FUT8: variants seen among roughly 807,000 people sequenced by gnomAD.
FUT8 encodes fucosyltransferase 8, also known as alpha-(1,6)-fucosyltransferase.
In FUT8, 29 loss-of-function variants were observed where a neutral mutation model predicts 71.3. That is an observed-to-expected ratio of 0.41 (90% CI 0.30 to 0.55). FUT8 has a LOEUF of 0.55. Among genes scored for constraint, FUT8 ranks in the 20% least tolerant of loss-of-function variants. The pLI is 0.34. For missense variants in FUT8, 544 were observed against 702.1 expected (o/e 0.77, Z 2.55); for synonymous variants, 254 against 239.3 (o/e 1.06, Z -0.57).
chr14:65,383,262 T>C, the FUT8 span, among the ~76,000 whole-genome samples: 1 of 132,416 alleles, frequency 7.6e-6, no homozygotes, highest in African/African-American at 2.9e-5. Context: ...TTCTTTTTCT[T>C]TTCTTTTTTT....
chr14:65,620,762 G>A (rs927432767), intron 5 of FUT8, among the ~76,000 whole-genome samples: 1 of 152,194 alleles, frequency 6.6e-6, no homozygotes, highest in African/African-American at 2.4e-5. Context: ...ATATTAAGCT[G>A]GGATGTGGAT....
intron 9 of FUT8, among the ~76,000 whole-genome samples, chr14:65,727,333 C>T (rs1168259187): frequency 6.6e-6 from 1 of 152,234 alleles, no homozygotes; most frequent in Non-Finnish European, 1.5e-5. Context: ...CAGCAAACTT[C>T]TGCCTGGGCA....
chr14:65,677,163 T>TGTGTGC (rs1555383302), intron 7 of FUT8, among the ~76,000 whole-genome samples: 2 of 113,250 alleles, frequency 1.8e-5, no homozygotes, highest in Admixed American at 8.6e-5. Context: ...CGCGCGCGCA[T>TGTGTGC]GCGCGCGCAC....
chr14:65,571,261 T>C (rs1272804681), intron 3 of FUT8, among the ~76,000 whole-genome samples: 1 of 152,164 alleles, frequency 6.6e-6, no homozygotes, highest in Admixed American at 6.6e-5. Flanking sequence ...TTGAACTTGA[T>C]GTGCTTGCTG....
chr14:65,414,019 G>C (rs1326909934), intron 1 of FUT8, among the ~76,000 whole-genome samples: 2 of 152,136 alleles, frequency 1.3e-5, no homozygotes, highest in Non-Finnish European at 2.9e-5. Context: ...ATAATATATA[G>C]ATTGAGGCCT....
At chr14:65,659,006 G>GT (rs1305068731) in intron 6 of FUT8, among the ~76,000 whole-genome samples, 3 of 152,038 alleles carry the variant, frequency 2.0e-5, no homozygotes, top group African/African-American at 7.2e-5. Flanking sequence ...AAGGTACGCT[G>GT]TAAGTATAGT....
chr14:65,668,677 G>T (rs1300853771), intron 6 of FUT8, among the ~76,000 whole-genome samples: 3 of 151,978 alleles, frequency 2.0e-5, no homozygotes, highest in Admixed American at 2.0e-4. Flanking sequence ...CCCGTTTTTG[G>T]GTATATAACC....
chr14:65,461,702 T>C (rs2065971560), intron 2 of FUT8, among the ~76,000 whole-genome samples: 1 of 152,222 alleles, frequency 6.6e-6, no homozygotes. Context: ...GAGTTCAGTC[T>C]AGGTCCTGCT....
intron 8 of FUT8, among the ~76,000 whole-genome samples, chr14:65,722,999 CTG>C (rs1251792272): frequency 6.6e-6 from 1 of 151,948 alleles, no homozygotes; most frequent in East Asian, 1.9e-4. Context: ...TGAAAATAAA[CTG>C]TTATTTTTAT....
intron 3 of FUT8, among the ~76,000 whole-genome samples, chr14:65,608,831 A>C (rs954194357): frequency 3.3e-5 from 5 of 151,954 alleles, no homozygotes; most frequent in Admixed American, 1.3e-4. Flanking sequence ...GGATTTACCT[A>C]ATAACTAATG....
chr14:65,614,111 CAAA>C (rs33994378), intron 3 of FUT8, among the ~76,000 whole-genome samples: 6 of 134,434 alleles, frequency 4.5e-5, no homozygotes, highest in Non-Finnish European at 3.2e-5. Flanking sequence ...GAGACTGTGT[CAAA>C]AAAAAAAAAA....
At chr14:65,724,378 G>C (rs1594939831) in intron 9 of FUT8, 55 bp downstream of exon 9, 1 of 1,093,470 alleles carries the variant, frequency 9.1e-7, no homozygotes, top group East Asian at 2.5e-5. Context: ...CAGTTTAAAA[G>C]AATTCTTACT....
chr14:65,655,246 G>A (rs1426597101), intron 6 of FUT8, among the ~76,000 whole-genome samples: 2 of 151,740 alleles, frequency 1.3e-5, no homozygotes, highest in African/African-American at 4.8e-5. Flanking sequence ...GGCTGAGGCG[G>A]GCAGATCATG....
the FUT8 span, among the ~76,000 whole-genome samples, chr14:65,405,025 T>C: frequency 6.6e-6 from 1 of 152,206 alleles, no homozygotes. Flanking sequence ...GACAAAGTTG[T>C]CAAGGAGCCA....
chr14:65,424,542 T>C (rs1442816534), intron 1 of FUT8, among the ~76,000 whole-genome samples: 1 of 144,698 alleles, frequency 6.9e-6, no homozygotes, highest in African/African-American at 2.5e-5. Flanking sequence ...TTCTTTTCTT[T>C]TTTTTTTTTT....
rs188039156 is a variant in FUT8, at chr14:65,717,382, G to A, written c.836-4393G>A. 3.9e-3 allele frequency among the ~76,000 whole-genome samples: 570 copies of A among 145,848 alleles called. 8 individuals are homozygous for A. Among genetic ancestry groups the A allele is most frequent in the African/African-American group, 0.013 (508 of 38,486 alleles). On this transcript the variant is annotated intron_variant, in intron 7 of 10. Coordinates refer to ENST00000673929, the MANE Select transcript of FUT8 (RefSeq NM_001371533.1). Reference sequence around the variant, plus strand: ...CTCACTTCCCAGACGGGGCGGCCAGGCAGAGACTCTCCTCACCTCCCAGAT... The same window carrying A: ...CTCACTTCCCAGACGGGGCGGCCAGACAGAGACTCTCCTCACCTCCCAGAT...
At chr14:65,369,237 TG>T in the FUT8 span, among the ~76,000 whole-genome samples, 1 of 152,274 alleles carries the variant, frequency 6.6e-6, no homozygotes, top group Admixed American at 6.5e-5. The surrounding 1 kb of genome is among the most constrained non-coding windows in gnomAD (Gnocchi z 4.6). Context: ...GCCCCAAATA[TG>T]GGGACATGGC....
chr14:65,463,749 C>T (rs917503628), intron 2 of FUT8, among the ~76,000 whole-genome samples: 5 of 152,102 alleles, frequency 3.3e-5, no homozygotes, highest in African/African-American at 4.8e-5. Context: ...TTTTCCTTCT[C>T]ATTTTAGGTT....
intron 2 of FUT8, among the ~76,000 whole-genome samples, chr14:65,535,093 T>A (rs574314121): frequency 6.6e-6 from 1 of 151,502 alleles, no homozygotes; most frequent in South Asian, 2.1e-4. Flanking sequence ...TTTTATTTTT[T>A]ATTTTTTATT....
Sources: allele counts gnomAD v4.1 joint callset (sites outside exome capture counted in the v4.1 genomes callset), GRCh38; gene constraint gnomAD v4.1.1; non-coding constraint Gnocchi (gnomAD v3.1); transcripts MANE v1.5; gene names NCBI Gene and HGNC (gene_info 2026-07-23, HGNC 2026-07-21).